The following TRAPPC6B variants were observed in gnomAD, a reference collection of about 807,000 sequenced individuals.
TRAPPC6B encodes TRAPP complex subunit 6B.
In TRAPPC6B, 27 loss-of-function variants were observed where a neutral mutation model predicts 24.7. The ratio of observed to expected loss-of-function variants is 1.09; its 90% CI spans 0.81 to 1.51. TRAPPC6B has a LOEUF of 1.51. Among genes scored for constraint, TRAPPC6B ranks in the 40% most tolerant of loss-of-function variants. TRAPPC6B has a pLI of 0.00. For synonymous variants in TRAPPC6B, 80 were observed against 66.6 expected (o/e 1.20, Z -0.98); for missense variants, 212 against 190.8 (o/e 1.11, Z -0.66).
At chr14:39,164,700 G>A (rs1469226884) in intron 1 of TRAPPC6B, among the ~76,000 whole-genome samples, 1 of 152,052 alleles carries the variant, frequency 6.6e-6, no homozygotes, top group Non-Finnish European at 1.5e-5. Flanking sequence ...AGGTGAACAT[G>A]GTGGCATGCA....
At chr14:39,166,550 AATG>A (rs1418834761) in intron 1 of TRAPPC6B, among the ~76,000 whole-genome samples, 7 of 152,192 alleles carry the variant, frequency 4.6e-5, no homozygotes, top group Non-Finnish European at 2.9e-5. Context: ...TTAAAGCAAG[AATG>A]ATAATAGCCC....
chr14:39,167,999 A>C (rs867741782), intron 1 of TRAPPC6B, among the ~76,000 whole-genome samples: 30 of 152,292 alleles, frequency 2.0e-4, no homozygotes, highest in African/African-American at 7.0e-4. Context: ...AGATCACCTG[A>C]GGTCAGAAGT....
chr14:39,157,103 T>C (rs8018196), intron 3 of TRAPPC6B: 2 of 108,450 alleles, frequency 1.8e-5, no homozygotes, highest in African/African-American at 9.5e-5. Flanking sequence ...CAAGACTCCA[T>C]CTCAAAAAAA....
intron 1 of TRAPPC6B, among the ~76,000 whole-genome samples, chr14:39,168,914 C>T (rs2053136144): frequency 2.0e-5 from 3 of 152,206 alleles, no homozygotes; most frequent in African/African-American, 2.4e-5. Flanking sequence ...ACATCATTCC[C>T]TTCCTTAAAA....
At chr14:39,152,896 C>T (rs1263297260) in intron 4 of TRAPPC6B, among the ~76,000 whole-genome samples, 1 of 152,148 alleles carries the variant, frequency 6.6e-6, no homozygotes, top group African/African-American at 2.4e-5. Flanking sequence ...AGAAAATATG[C>T]CAGGCATGGC....
At position 39,148,251 on chromosome 14, in the gene TRAPPC6B, CAATT is replaced by C. The variant is rs1301763439; in HGVS notation, c.*2095_*2098del. The C allele has an allele frequency of 6.2e-6, 1 of 161,056 alleles. No homozygotes were observed. Among genetic ancestry groups the C allele is most frequent in the African/African-American group, 2.4e-5 (1 of 41,924 alleles). The allele number at this position is 161,056 out of a possible 1,614,324, so 10.0% of individuals were successfully genotyped here. On this transcript the variant is annotated 3_prime_UTR_variant, in exon 6 of 6. Transcript: ENST00000330149. The stretch of plus-strand genomic sequence containing the variant: ...ATGCTGGCAAATCCCTAACTTGTAT[CAATT>C]GTTAAGAGCAACAGAAAATTTCTTA...
intron 1 of TRAPPC6B, among the ~76,000 whole-genome samples, chr14:39,163,515 T>C (rs934085173): frequency 6.6e-6 from 1 of 150,926 alleles, no homozygotes; most frequent in Non-Finnish European, 1.5e-5. Context: ...AAAAATTGAT[T>C]TTGATACTCA....
chr14:39,150,831 C>T (rs55954707), intron 5 of TRAPPC6B, among the ~76,000 whole-genome samples: 12,511 of 152,166 alleles, frequency 0.082, 556 homozygotes, highest in African/African-American at 0.12. Context: ...GGCACCACAC[C>T]CGGCCAGTCA....
chr14:39,159,511 A>T lies in TRAPPC6B; in HGVS notation c.121T>A (p.Phe41Ile). The change falls in exon 2 of 6, where the codon TTT becomes ATT. Residue 41 changes from phenylalanine (F) to isoleucine (I), a missense_variant. Physicochemically the swap from Phe to Ile is conservative, Grantham distance 21 (BLOSUM62 0). Transcript: ENST00000330149. The part of the protein sequence containing the change: ...RCITKLENMG[F>I]RVGQGLIERF... ...TCTATCAATCCTTGTCCCACTCGAA[A>T]CCCCATGTTTTCCAGCTTAGTAATA... 6.2e-7 allele frequency: 1 copy of T among 1,605,734 alleles called. No homozygotes were observed. The highest frequency in any genetic ancestry group is 8.5e-7 in the Non-Finnish European group (1 of 1,175,754).
rs2053154740 is a variant in TRAPPC6B at position 39,170,186 on chromosome 14, C to G, written c.-91G>C. 4 of 1,297,754 alleles carry G rather than the reference C, an allele frequency of 3.1e-6. No homozygotes were observed. In the African/African-American group the frequency reaches 4.4e-5, roughly 14 times the overall value. 80.4% of individuals were successfully genotyped at this position (1,297,754 alleles called of 1,614,324 possible). A position where few individuals can be genotyped will look rare whatever the true frequency, so the allele number is the denominator to read the frequency against. On this transcript the variant is annotated 5_prime_UTR_variant, in exon 1 of 6. Transcript: ENST00000330149. ...CGCGCCTCAGCGACTTCGCCGGCGC[C>G]GCGGCTCCGTCAGGCCGCCATTCTA...
At chr14:39,164,360 C>T (rs1036105645) in intron 1 of TRAPPC6B, among the ~76,000 whole-genome samples, 10 of 152,046 alleles carry the variant, frequency 6.6e-5, no homozygotes, top group African/African-American at 1.7e-4. Context: ...GGCATGGTGG[C>T]GCATGCCTGT....
In TRAPPC6B at chr14:39,158,363, A is replaced by C. The variant is rs1423817377; in HGVS notation, c.189T>G (p.Asp63Glu). 1 of 1,604,102 alleles carries C rather than the reference A, an allele frequency of 6.2e-7. No homozygotes were observed. Among genetic ancestry groups the C allele is most frequent in the Non-Finnish European group, 8.5e-7 (1 of 1,177,466 alleles). Residue 63 changes from aspartate to glutamate, a missense_variant, in exon 3 of 6, where the codon GAT becomes GAG. By Grantham distance (45) the Asp-to-Glu change is conservative (BLOSUM62 2). Transcript: ENST00000330149. ...KDTARFKDELDIMKFICKDFW... is the reference protein window; with the variant it reads ...KDTARFKDELEIMKFICKDFW... ...AATCTTTACAAATGAACTTCATGATATCTAACTCATCCTTGAACCTTGCAG... is the reference window on the plus strand; with the variant it reads ...AATCTTTACAAATGAACTTCATGATCTCTAACTCATCCTTGAACCTTGCAG...
At position 39,162,131 on chromosome 14, in the gene TRAPPC6B, G is replaced by C. The variant is rs374733982; in HGVS notation, c.82-2581C>G. Among the ~76,000 whole-genome samples the C allele has an allele frequency of 1.3e-4, 20 of 152,274 alleles. No individual in the cohort carries two copies. The East Asian group carries it at 2.1e-3, about 16-fold the overall frequency. On this transcript the variant is annotated intron_variant, in intron 1 of 5. Transcript: ENST00000330149. ...GGAAAAACCGCAGTGTCCAAGCTAA[G>C]AATAGACGTTCCTCCAACAAAAGAC...
intron 1 of TRAPPC6B, among the ~76,000 whole-genome samples, chr14:39,165,582 A>G (rs1487179517): frequency 6.6e-6 from 1 of 152,136 alleles, no homozygotes; most frequent in Non-Finnish European, 1.5e-5. Flanking sequence ...GTCACTTGAG[A>G]CTAGGAGTCT....
At chr14:39,164,424 G>A (rs577272857) in intron 1 of TRAPPC6B, among the ~76,000 whole-genome samples, 41 of 151,888 alleles carry the variant, frequency 2.7e-4, no homozygotes, top group African/African-American at 6.0e-4. Flanking sequence ...CCCAGGAGGC[G>A]GAGGTTGCAG....
intron 3 of TRAPPC6B, chr14:39,157,163 A>T: frequency 3.9e-6 from 1 of 255,684 alleles, no homozygotes; most frequent in Admixed American, 4.1e-5. Context: ...GTTTGAGAAA[A>T]GGCCTAAGAA....
chr14:39,149,337 T>C lies in TRAPPC6B; in HGVS notation c.*1013A>G, dbSNP rs1301967393. The C allele has an allele frequency of 6.6e-6, 1 of 152,206 alleles. No individual in the cohort carries two copies. The highest frequency in any genetic ancestry group is 1.5e-5 in the Non-Finnish European group (1 of 68,030). 9.4% of individuals were successfully genotyped at this position (152,206 alleles called of 1,614,324 possible). Reference sequence around the variant, plus strand: ...GCTGCAGAGTTCCCTGTCACACAAATACATGCAAAAGGGTAATAAATAAAT... The same window carrying C: ...GCTGCAGAGTTCCCTGTCACACAAACACATGCAAAAGGGTAATAAATAAAT... On this transcript the variant is annotated 3_prime_UTR_variant, in exon 6 of 6. Coordinates refer to ENST00000330149, the MANE Select transcript of TRAPPC6B (RefSeq NM_001079537.2).
chr14:39,168,840 C>A (rs2053135613), intron 1 of TRAPPC6B, among the ~76,000 whole-genome samples: 1 of 152,180 alleles, frequency 6.6e-6, no homozygotes, highest in Non-Finnish European at 1.5e-5. Context: ...AGGATTTTCC[C>A]CCTACAAGGA....
chr14:39,164,352 C>T (rs2053087258), intron 1 of TRAPPC6B, among the ~76,000 whole-genome samples: 1 of 152,094 alleles, frequency 6.6e-6, no homozygotes, highest in Non-Finnish European at 1.5e-5. Context: ...ATTAGCTGGG[C>T]ATGGTGGCGC....
Sources: gnomAD v4.1 joint callset for allele counts (sites outside exome capture counted in the v4.1 genomes callset) on GRCh38, gnomAD v4.1.1 for gene constraint, MANE v1.5 for transcripts, NCBI Gene and HGNC (gene_info 2026-07-23, HGNC 2026-07-21) for gene names.